Variants in SLA observed in about 807,000 individuals in gnomAD.
SLA encodes src-like-adapter.
A neutral mutation model predicts 30.3 loss-of-function variants in SLA; 16 were observed. The observed-to-expected ratio is 0.53, with a 90% CI of 0.36 to 0.80. SLA has a LOEUF of 0.80. Among genes scored for constraint, SLA ranks in the 30% least tolerant of loss-of-function variants. The probability of loss-of-function intolerance (pLI) is 0.01; values close to 1 mark genes in which losing one functional copy is unlikely to be tolerated. For synonymous variants in SLA, 143 were observed against 137.8 expected (o/e 1.04, Z -0.26); for missense variants, 310 against 345.2 (o/e 0.90, Z 0.81).
intron 1 of SLA, among the ~76,000 whole-genome samples, chr8:133,093,684 C>T (rs1847944883): frequency 6.6e-6 from 1 of 152,200 alleles, no homozygotes; most frequent in Non-Finnish European, 1.5e-5. Flanking sequence ...ACCCTAGCCA[C>T]ATGTCCCTTC....
At chr8:133,067,030 C>T (rs957420029) in intron 2 of SLA, among the ~76,000 whole-genome samples, 4 of 152,304 alleles carry the variant, frequency 2.6e-5, no homozygotes, top group African/African-American at 9.6e-5. Flanking sequence ...TACCCAGTAC[C>T]GGCACAATTG....
intron 1 of SLA, among the ~76,000 whole-genome samples, chr8:133,100,556 T>C (rs530953351): frequency 1.4e-3 from 207 of 152,320 alleles, no homozygotes; most frequent in African/African-American, 4.8e-3. Context: ...AATGAAATAA[T>C]TCACCCTCAC....
In SLA at chr8:133,037,578, T is replaced by C. The variant is rs961319545; in HGVS notation, c.*946A>G. ...TGATTTCTCTTTTTACACATTTGTT[T>C]ATACATTTTTTCCCTGTCTACACTG... On this transcript the variant is annotated 3_prime_UTR_variant, in exon 9 of 9. Coordinates refer to ENST00000338087, the MANE Select transcript of SLA (RefSeq NM_001045556.3). 1 of 152,186 alleles carries C rather than the reference T, an allele frequency of 6.6e-6. No individual in the cohort carries two copies. The highest frequency in any genetic ancestry group is 2.1e-4 in the South Asian group (1 of 4,836). 9.4% of individuals were successfully genotyped at this position (152,186 alleles called of 1,614,324 possible).
intron 2 of SLA, among the ~76,000 whole-genome samples, chr8:133,069,092 A>G (rs2702991): frequency 0.61 from 92,636 of 152,150 alleles, 28,694 homozygotes; most frequent in East Asian, 0.81. Context: ...TTCATTTCAA[A>G]TGTGGATACT....
chr8:133,082,418 G>T (rs944661583), intron 1 of SLA, among the ~76,000 whole-genome samples: 1 of 152,170 alleles, frequency 6.6e-6, no homozygotes, highest in Non-Finnish European at 1.5e-5. Flanking sequence ...TTCCCTCCTT[G>T]TAGATTGCAA....
chr8:133,039,861 A>G, intron 8 of SLA, 137 bp downstream of exon 8: 1 of 1,432,186 alleles, frequency 7.0e-7, no homozygotes, highest in Non-Finnish European at 9.3e-7. Flanking sequence ...CTCACCCCCC[A>G]GTTTCAGCAG....
chr8:133,061,022 GT>G (rs1264903054), intron 2 of SLA, among the ~76,000 whole-genome samples: 1 of 152,118 alleles, frequency 6.6e-6, no homozygotes. Context: ...TTCTGTTTTT[GT>G]TTTTTTGAGA....
Position 133,039,112 on chromosome 8 carries a change from T to C in SLA, c.618-375A>G, listed in dbSNP as rs1837663623. 5.3e-5 allele frequency among the ~76,000 whole-genome samples: 8 copies of C among 152,218 alleles called. No homozygotes were observed. The South Asian group carries it at 1.5e-3, about 28-fold the overall frequency. On this transcript the variant is annotated intron_variant, in intron 8 of 8. Coordinates refer to ENST00000338087, the MANE Select transcript of SLA (RefSeq NM_001045556.3). Reference sequence around the variant, plus strand: ...CAGGCTGGTCTCAAACTCCTGACCTTAGGTGATCTGCCCACCTCAGCCTCC... The same window carrying C: ...CAGGCTGGTCTCAAACTCCTGACCTCAGGTGATCTGCCCACCTCAGCCTCC...
At chr8:133,088,949 A>C (rs192475029) in intron 1 of SLA, among the ~76,000 whole-genome samples, 1 of 152,250 alleles carries the variant, frequency 6.6e-6, no homozygotes, top group African/African-American at 2.4e-5. Context: ...TGTTTAAAAA[A>C]AGTCCATCTG....
At chr8:133,078,580 A>C (rs1845256268) in intron 1 of SLA, among the ~76,000 whole-genome samples, 1 of 152,212 alleles carries the variant, frequency 6.6e-6, no homozygotes, top group African/African-American at 2.4e-5. Flanking sequence ...ACATTCATTC[A>C]GTTATTCATT....
At chr8:133,101,247 C>T (rs1849213406) in intron 1 of SLA, among the ~76,000 whole-genome samples, 1 of 152,212 alleles carries the variant, frequency 6.6e-6, no homozygotes, top group South Asian at 2.1e-4. Context: ...AGTGGACAAC[C>T]AAGTGGAAAC....
chr8:133,038,392 C>T lies in SLA; in HGVS notation c.*132G>A. On this transcript the variant is annotated 3_prime_UTR_variant, in exon 9 of 9. Transcript: ENST00000338087. ...ATAGAGAAGATGCGAATTTGAGTCTCCATGTGGCTTCTCTTGGCTTCTAAA... is the reference window on the plus strand; with the variant it reads ...ATAGAGAAGATGCGAATTTGAGTCTTCATGTGGCTTCTCTTGGCTTCTAAA... The T allele has an allele frequency of 1.4e-6, 1 of 710,002 alleles. No homozygotes were observed. The highest frequency in any genetic ancestry group is 2.5e-6 in the Non-Finnish European group (1 of 400,756). 44.0% of individuals were successfully genotyped at this position (710,002 alleles called of 1,614,324 possible).
chr8:133,071,667 G>A (rs1255524142), intron 2 of SLA, among the ~76,000 whole-genome samples: 4 of 152,006 alleles, frequency 2.6e-5, no homozygotes, highest in African/African-American at 4.8e-5. Flanking sequence ...GGGAGGAGGC[G>A]CACCTGCAAA....
chr8:133,082,303 G>C (rs1231936172), intron 1 of SLA, among the ~76,000 whole-genome samples: 2 of 152,112 alleles, frequency 1.3e-5, no homozygotes, highest in South Asian at 4.1e-4. Context: ...AGCTAGCTTT[G>C]GCACTTTGCA....
intron 2 of SLA, among the ~76,000 whole-genome samples, chr8:133,072,492 G>T (rs1405109193): frequency 6.6e-6 from 1 of 152,208 alleles, no homozygotes; most frequent in Non-Finnish European, 1.5e-5. Context: ...ACAGATAAAT[G>T]TATGAACAGG....
intron 3 of SLA, among the ~76,000 whole-genome samples, chr8:133,057,232 G>T (rs1298188675): frequency 1.3e-5 from 2 of 152,090 alleles, no homozygotes; most frequent in Admixed American, 1.3e-4. Context: ...AGGGGAAAAA[G>T]ATCACAGCAG....
chr8:133,075,012 C>T lies in SLA; in HGVS notation c.-200G>A. On this transcript the variant is annotated 5_prime_UTR_variant, in exon 2 of 9. Transcript: ENST00000338087. ...AAGCAGCCCATGCTACACAGAAGAA[C>T]TGCAGTTGCTAAACTGGCCGCATAC... 1.0e-6 allele frequency: 1 copy of T among 985,488 alleles called. No individual in the cohort carries two copies. The highest frequency in any genetic ancestry group is 1.7e-5 in the African/African-American group (1 of 57,374). The allele number at this position is 985,488 out of a possible 1,614,324, so 61.0% of individuals were successfully genotyped here.
At chr8:133,088,056 A>T (rs573704390) in intron 1 of SLA, among the ~76,000 whole-genome samples, 1 of 152,160 alleles carries the variant, frequency 6.6e-6, no homozygotes, top group Admixed American at 6.5e-5. Flanking sequence ...ACTTCCTAGG[A>T]TGGTAGTGGG....
chr8:133,077,679 C>G (rs928543682), intron 1 of SLA, among the ~76,000 whole-genome samples: 1 of 151,988 alleles, frequency 6.6e-6, no homozygotes, highest in Non-Finnish European at 1.5e-5. Flanking sequence ...TAACCCCAAG[C>G]GGGGTCTCAG....
Sources: gnomAD v4.1 joint callset for allele counts (sites outside exome capture counted in the v4.1 genomes callset) on GRCh38, gnomAD v4.1.1 for gene constraint, MANE v1.5 for transcripts, NCBI Gene and HGNC (gene_info 2026-07-23, HGNC 2026-07-21) for gene names.